The following CXCL1 variants were observed in gnomAD, a reference collection of about 807,000 sequenced individuals.
CXCL1 encodes the protein C-X-C motif chemokine ligand 1.
In CXCL1, 9 loss-of-function variants were observed where a neutral mutation model predicts 11.7. That is an observed-to-expected ratio of 0.77 (90% confidence interval 0.46 to 1.34). The LOEUF is 1.34. Ranked by LOEUF, CXCL1 falls within the 40% of genes most tolerant of loss-of-function variation. The probability of loss-of-function intolerance (pLI) is 0.00; values close to 1 mark genes in which losing one functional copy is unlikely to be tolerated. For synonymous variants in CXCL1, 78 were observed against 59.1 expected (o/e 1.32, Z -1.47); for missense variants, 146 against 138.1 (o/e 1.06, Z -0.29).
chr4:73,869,467 C>T lies in CXCL1; in HGVS notation c.-4C>T. ...ACAGCCGCCAGACCCGCCTGCTGAG[C>T]CCCATGGCCCGCGCTGCTCTCTCCG... On this transcript the variant is annotated 5_prime_UTR_variant, in exon 1 of 4. Coordinates refer to ENST00000395761, the MANE Select transcript of CXCL1 (RefSeq NM_001511.4). 6.4e-7 allele frequency: 1 copy of T among 1,556,112 alleles called. No homozygotes were observed. Among genetic ancestry groups the T allele is most frequent in the South Asian group, 1.2e-5 (1 of 85,712 alleles).
rs769691514 is a variant in CXCL1, at chr4:73,869,727, C to T, written c.159C>T (p.His53=). 6.2e-6 allele frequency: 10 copies of T among 1,614,174 alleles called. No homozygotes were observed. Among genetic ancestry groups the T allele is most frequent in the East Asian group, 2.2e-5 (1 of 44,864 alleles). ...GCTTGCAGACCCTGCAGGGAATTCA[C>T]CCCAAGAACATCCAAAGTGTGAACG... ...CQCLQTLQGI[H]PKNIQSVNVK... is the part of the protein sequence containing the mutation. The change falls in exon 2 of 4, where the codon CAC becomes CAT. Residue 53 remains histidine (H), a synonymous_variant. Coordinates refer to ENST00000395761, the MANE Select transcript of CXCL1 (RefSeq NM_001511.4).
intron 3 of CXCL1, 135 bp from the exon 4 acceptor site, chr4:73,870,386 A>T: frequency 1.0e-6 from 1 of 984,502 alleles, no homozygotes; most frequent in Non-Finnish European, 1.5e-6. Context: ...TGTCATAGGC[A>T]GTAGCCACTT....
Position 73,869,683 on chromosome 4 carries a change from A to G in CXCL1, c.115A>G (p.Thr39Ala), listed in dbSNP as rs1375997960. 9 of 1,614,030 alleles carry G rather than the reference A, an allele frequency of 5.6e-6. No individual in the cohort carries two copies. Among genetic ancestry groups the G allele is most frequent in the Non-Finnish European group, 7.6e-6 (9 of 1,180,028 alleles). ...TTCTTCCCTAGGAGCGTCCGTGGCC[A>G]CTGAACTGCGCTGCCAGTGCTTGCA... ...GRRAAGASVATELRCQCLQTL... is the reference protein window; with the variant it reads ...GRRAAGASVAAELRCQCLQTL... The change falls in exon 2 of 4, where the codon ACT (threonine) becomes GCT (alanine). Residue 39 changes from threonine to alanine, a missense_variant. Thr to Ala is a moderately conservative substitution (Grantham distance 58). Coordinates refer to ENST00000395761, the MANE Select transcript of CXCL1 (RefSeq NM_001511.4).
Position 73,870,747 on chromosome 4 carries a change from G to T in CXCL1, c.*211G>T. 1.8e-6 allele frequency: 1 copy of T among 563,226 alleles called. No homozygotes were observed. Among genetic ancestry groups the T allele is most frequent in the Non-Finnish European group, 3.1e-6 (1 of 325,962 alleles). The allele number at this position is 563,226 out of a possible 1,614,324, so 34.9% of individuals were successfully genotyped here. ...ATATTTTAGGTGTAAAATAATTAAG[G>T]GTATGATTAACTCTACCTGCACACT... On this transcript the variant is annotated 3_prime_UTR_variant, in exon 4 of 4. Transcript: ENST00000395761.
At chr4:73,870,043 T>C (rs777740404) in intron 3 of CXCL1, 54 bp downstream of exon 3, 20 of 1,538,490 alleles carry the variant, frequency 1.3e-5, no homozygotes, top group East Asian at 4.5e-5. Context: ...TCAGAAATAC[T>C]GGCATGTGCC....
chr4:73,870,142 A>T, intron 3 of CXCL1, 153 bp downstream of exon 3: 1 of 781,250 alleles, frequency 1.3e-6, no homozygotes. Flanking sequence ...TTCCTTTACG[A>T]TAATTACTGC....
In CXCL1 at chr4:73,870,730, G is replaced by C; in HGVS notation, c.*194G>C. Reference sequence around the variant, plus strand: ...TTGAAGATTCTATGTTAATATTTTAGGTGTAAAATAATTAAGGGTATGATT... The same window carrying C: ...TTGAAGATTCTATGTTAATATTTTACGTGTAAAATAATTAAGGGTATGATT... On this transcript the variant is annotated 3_prime_UTR_variant, in exon 4 of 4. Coordinates refer to ENST00000395761, the MANE Select transcript of CXCL1 (RefSeq NM_001511.4). 1.6e-6 allele frequency: 1 copy of C among 610,974 alleles called. No homozygotes were observed. The highest frequency in any genetic ancestry group is 2.8e-6 in the Non-Finnish European group (1 of 362,534). The allele number at this position is 610,974 out of a possible 1,614,324, so 37.8% of individuals were successfully genotyped here. A position where few individuals can be genotyped will look rare whatever the true frequency, so the allele number is the denominator to read the frequency against.
At position 73,869,741 on chromosome 4, in the gene CXCL1, A is replaced by C. The variant is rs760965523; in HGVS notation, c.173A>C (p.Gln58Pro). 6.2e-7 allele frequency: 1 copy of C among 1,614,028 alleles called. No individual in the cohort carries two copies. The change falls in exon 2 of 4, where the codon CAA becomes CCA. Residue 58 changes from glutamine to proline, a missense_variant. Physicochemically the swap from Gln to Pro is moderately conservative, Grantham distance 76. Coordinates refer to ENST00000395761, the MANE Select transcript of CXCL1 (RefSeq NM_001511.4). Reference protein sequence around the residue: ...TLQGIHPKNIQSVNVKSPGPH... With the variant: ...TLQGIHPKNIPSVNVKSPGPH... ...CAGGGAATTCACCCCAAGAACATCC[A>C]AAGTGTGAACGTGAAGTCCCCCGGA...
intron 2 of CXCL1, 47 bp downstream of exon 2, chr4:73,869,839 C>T (rs762309880): frequency 2.7e-5 from 44 of 1,613,420 alleles, no homozygotes; most frequent in Non-Finnish European, 3.5e-5. Context: ...GGTCCCAGAC[C>T]CTCCTGCTGC....
Position 73,869,681 on chromosome 4 carries a change from C to T in CXCL1, c.113C>T (p.Ala38Val), listed in dbSNP as rs201091698. The T allele has an allele frequency of 1.0e-4, 169 of 1,614,216 alleles. 3 individuals carry two copies. The Middle Eastern group carries it at 3.3e-3, about 32-fold the overall frequency. ...TCTTCTTCCCTAGGAGCGTCCGTGG[C>T]CACTGAACTGCGCTGCCAGTGCTTG... ...AGRRAAGASV[A>V]TELRCQCLQT... Residue 38 changes from alanine to valine, a missense_variant, in exon 2 of 4, where the codon GCC becomes GTC. Physicochemically the swap from Ala to Val is moderately conservative, Grantham distance 64. Transcript: ENST00000395761.
intron 3 of CXCL1, 130 bp from the exon 4 acceptor site, chr4:73,870,391 C>T (rs374272104): frequency 9.6e-6 from 11 of 1,148,022 alleles, no homozygotes; most frequent in African/African-American, 1.5e-5. Flanking sequence ...TAGGCAGTAG[C>T]CACTTGGTTG....
Position 73,869,499 on chromosome 4 carries a change from C to A in CXCL1, c.29C>A (p.Pro10His). Residue 10 changes from proline (P) to histidine (H), a missense_variant, in exon 1 of 4, where the codon CCC (proline) becomes CAC (histidine). Physicochemically the swap from Pro to His is moderately conservative, Grantham distance 77. Transcript: ENST00000395761. MARAALSAA[P>H]SNPRLLRVAL... ...GCCCGCGCTGCTCTCTCCGCCGCCC[C>A]CAGCAATCCCCGGCTCCTGCGAGTG... The A allele has an allele frequency of 6.3e-7, 1 of 1,586,008 alleles. No homozygotes were observed. Among genetic ancestry groups the A allele is most frequent in the Non-Finnish European group, 8.6e-7 (1 of 1,166,700 alleles).
At position 73,869,915 on chromosome 4, in the gene CXCL1, CAA is replaced by C. The variant is rs1560521452; in HGVS notation, c.235_236del (p.Lys79GlufsTer15). On this transcript the variant is annotated frameshift_variant, in exon 3 of 4. Transcript: ENST00000395761. LOFTEE classifies it high-confidence loss of function. The part of the protein sequence containing the change: ...CAQTEVIATL[K>X]NGRKACLNPA... ...TCCCTTCCCTCTGCAGAGCCACACT[CAA>C]GAATGGGCGGAAAGCTTGCCTCAAT... 3.1e-6 allele frequency: 5 copies of C among 1,614,144 alleles called. No individual in the cohort carries two copies. Among genetic ancestry groups the C allele is most frequent in the Non-Finnish European group, 4.2e-6 (5 of 1,180,018 alleles).
At position 73,870,556 on chromosome 4, in the gene CXCL1, T is replaced by C; in HGVS notation, c.*20T>C. ...AACTGACCAGAAGGGAGGAGGAAGC[T>C]CACTGGTGGCTGTTCCTGAAGGAGG... is the stretch of plus-strand genomic sequence containing the variant. On this transcript the variant is annotated 3_prime_UTR_variant, in exon 4 of 4. Transcript: ENST00000395761. 1 of 1,613,700 alleles carries C rather than the reference T, an allele frequency of 6.2e-7. No individual in the cohort carries two copies. Among genetic ancestry groups the C allele is most frequent in the Non-Finnish European group, 8.5e-7 (1 of 1,179,790 alleles).
Position 73,870,663 on chromosome 4 carries a change from C to G in CXCL1, c.*127C>G. ...GATTGTGCCTAATGTGTTTGAGCAT[C>G]GCTTAGGAGAAGTCTTCTATTTATT... On this transcript the variant is annotated 3_prime_UTR_variant, in exon 4 of 4. Coordinates refer to ENST00000395761, the MANE Select transcript of CXCL1 (RefSeq NM_001511.4). 2.0e-6 allele frequency: 2 copies of G among 1,011,152 alleles called. No individual in the cohort carries two copies. The highest frequency in any genetic ancestry group is 3.1e-5 in the South Asian group (2 of 63,934). 62.6% of individuals were successfully genotyped at this position (1,011,152 alleles called of 1,614,324 possible). A position where few individuals can be genotyped will look rare whatever the true frequency, so the allele number is the denominator to read the frequency against.
At position 73,869,996 on chromosome 4, in the gene CXCL1, T is replaced by C. The variant is rs371670459; in HGVS notation, c.308+7T>C. On this transcript the variant is annotated splice_region_variant and intron_variant, in intron 3 of 3. Coordinates refer to ENST00000395761, the MANE Select transcript of CXCL1 (RefSeq NM_001511.4). ...TCGAAAAGATGCTGAACAGGTGAGT[T>C]ATGGTTTCCATGTACACAGGCGACT... 2.7e-5 allele frequency: 44 copies of C among 1,613,852 alleles called. No individual in the cohort carries two copies. The Admixed American group carries it at 3.3e-4, about 12-fold the overall frequency.
chr4:73,870,186 TC>T, intron 3 of CXCL1, 197 bp downstream of exon 3: 3 of 663,382 alleles, frequency 4.5e-6, no homozygotes, highest in Non-Finnish European at 2.5e-6. Flanking sequence ...ATGCCTGGCG[TC>T]CCCACCCTGG....
At position 73,869,453 on chromosome 4, in the gene CXCL1, AC is replaced by A. The variant is rs1241262847; in HGVS notation, c.-15del. The A allele has an allele frequency of 7.8e-6, 12 of 1,546,910 alleles. No individual in the cohort carries two copies. In the Middle Eastern group the frequency reaches 5.3e-4, roughly 68 times the overall value. On this transcript the variant is annotated 5_prime_UTR_variant, in exon 1 of 4. Transcript: ENST00000395761. ...CTTCCGCTCCTCTCACAGCCGCCAG[AC>A]CCGCCTGCTGAGCCCCATGGCCCGC...
chr4:73,870,925 G>A lies in CXCL1; in HGVS notation c.*389G>A. On this transcript the variant is annotated 3_prime_UTR_variant, in exon 4 of 4. Transcript: ENST00000395761. ...GCAACATGCCAGCCACTGTGATAGA[G>A]GCTGGCGGATCCAAGCAAATGGCCA... 1 of 172,696 alleles carries A rather than the reference G, an allele frequency of 5.8e-6. No homozygotes were observed. Among genetic ancestry groups the A allele is most frequent in the South Asian group, 1.2e-4 (1 of 8,002 alleles). The allele number at this position is 172,696 out of a possible 1,614,324, so 10.7% of individuals were successfully genotyped here.
Sources: allele counts gnomAD v4.1 joint callset, GRCh38; gene constraint gnomAD v4.1.1; transcripts MANE v1.5; gene names NCBI Gene and HGNC (gene_info 2026-07-23, HGNC 2026-07-21).